Variants in EYS observed in about 807,000 individuals in gnomAD.
The protein encoded by EYS is protein eyes shut homolog.
A neutral mutation model predicts 282.1 loss-of-function variants in EYS; 250 were observed. The observed-to-expected ratio is 0.89, with a 90% CI of 0.80 to 0.98. The LOEUF (loss-of-function observed/expected upper bound fraction) is 0.98. EYS is among the 50% of genes least tolerant of loss of function. The pLI, the probability that EYS is intolerant of heterozygous loss-of-function variation, is 0.00. For synonymous variants in EYS, 1,355 were observed against 1,282.9 expected (o/e 1.06, Z -1.20); for missense variants, 4,016 against 3,709.0 (o/e 1.08, Z -2.15).
intron 26 of EYS, among the ~76,000 whole-genome samples, chr6:64,471,473 G>C (rs551493904): frequency 6.6e-6 from 1 of 151,814 alleles, no homozygotes; most frequent in Non-Finnish European, 1.5e-5. Flanking sequence ...AATTAATCAA[G>C]AAAATAATCC....
intron 26 of EYS, among the ~76,000 whole-genome samples, chr6:64,549,181 G>A (rs1438876499): frequency 6.6e-6 from 1 of 152,124 alleles, no homozygotes; most frequent in Non-Finnish European, 1.5e-5. Context: ...TTCCCTCAAA[G>A]CAGATTCTCA....
chr6:65,458,630 A>G (rs80246595), intron 5 of EYS, among the ~76,000 whole-genome samples: 2,734 of 152,250 alleles, frequency 0.018, 41 homozygotes, highest in Non-Finnish European at 0.03. Context: ...GCTCAGAAAT[A>G]GTTTCTGTTG....
chr6:65,221,472 G>T (rs1259848115), intron 12 of EYS, among the ~76,000 whole-genome samples: 2 of 152,216 alleles, frequency 1.3e-5, no homozygotes, highest in Non-Finnish European at 2.9e-5. Context: ...GCAAGCCTTA[G>T]AGGCTTACAC....
At chr6:64,191,238 T>C (rs1220565941) in intron 31 of EYS, among the ~76,000 whole-genome samples, 1 of 152,094 alleles carries the variant, frequency 6.6e-6, no homozygotes, top group Non-Finnish European at 1.5e-5. Context: ...TGGTGCCTTG[T>C]TTTAAGAAAT....
intron 19 of EYS, among the ~76,000 whole-genome samples, chr6:64,854,146 T>C (rs1452377750): frequency 1.3e-5 from 2 of 152,064 alleles, no homozygotes; most frequent in Non-Finnish European, 2.9e-5. Flanking sequence ...TTTTACACTG[T>C]TGCTGGGACT....
At chr6:65,188,775 A>AAAAAG (rs1478044524) in intron 12 of EYS, among the ~76,000 whole-genome samples, 1 of 150,774 alleles carries the variant, frequency 6.6e-6, no homozygotes, top group Admixed American at 6.7e-5. Context: ...AAAAAAAAAA[A>AAAAAG]AAAAAAAAGA....
chr6:64,971,454 C>T (rs1026246461), intron 14 of EYS, among the ~76,000 whole-genome samples: 2 of 152,004 alleles, frequency 1.3e-5, no homozygotes, highest in African/African-American at 4.8e-5. Context: ...CTGCTACACA[C>T]TAAGTTTGAA....
intron 33 of EYS, among the ~76,000 whole-genome samples, chr6:64,023,749 C>T (rs1240737291): frequency 2.6e-5 from 4 of 152,234 alleles, no homozygotes; most frequent in African/African-American, 7.2e-5. Context: ...CCAGAGCCGG[C>T]TCCCTCAGCT....
chr6:63,782,928 C>CA (rs1205743070), intron 39 of EYS, among the ~76,000 whole-genome samples: 1 of 145,292 alleles, frequency 6.9e-6, no homozygotes, highest in Non-Finnish European at 1.5e-5. Flanking sequence ...TAAGTAATAG[C>CA]TTTTTTTTTT....
intron 2 of EYS, among the ~76,000 whole-genome samples, chr6:65,586,685 A>C (rs1765059808): frequency 6.6e-6 from 1 of 152,096 alleles, no homozygotes; most frequent in South Asian, 2.1e-4. Context: ...AGGAAATATA[A>C]TTTTGATAGG....
chr6:65,193,219 G>A (rs1195471495), intron 12 of EYS, among the ~76,000 whole-genome samples: 1 of 151,844 alleles, frequency 6.6e-6, no homozygotes, highest in Non-Finnish European at 1.5e-5. Context: ...TTTTGCAGAT[G>A]AGAAAGCTAA....
chr6:64,640,184 G>A (rs202035948), intron 22 of EYS, among the ~76,000 whole-genome samples: 15,905 of 145,516 alleles, frequency 0.11, 1,047 homozygotes, highest in East Asian at 0.16. Context: ...ATCTAGAACT[G>A]GAAATACCAT....
Position 64,637,803 on chromosome 6 carries a change from T to C in EYS, c.3444-11558A>G, listed in dbSNP as rs916934844. On this transcript the variant is annotated intron_variant, in intron 22 of 42. Coordinates refer to ENST00000503581, the MANE Select transcript of EYS (RefSeq NM_001142800.2). ...AAGAATAGCTGGTGGATGCTGGTCT[T>C]AATACCTAGGTCATGGGTTGATCTG... Among the ~76,000 whole-genome samples the C allele has an allele frequency of 4.4e-5, 4 of 90,262 alleles. 1 individual carries two copies. Among genetic ancestry groups the C allele is most frequent in the African/African-American group, 1.3e-4 (3 of 23,700 alleles). The allele number at this position is 90,262 out of a possible 152,430, so 59.2% of individuals were successfully genotyped here.
At chr6:64,698,047 A>G (rs1770647242) in intron 22 of EYS, among the ~76,000 whole-genome samples, 1 of 152,184 alleles carries the variant, frequency 6.6e-6, no homozygotes, top group Non-Finnish European at 1.5e-5. Context: ...AACTCTTGAA[A>G]CTATAAAAAT....
At chr6:64,640,589 G>C (rs1026932483) in intron 22 of EYS, among the ~76,000 whole-genome samples, 2 of 151,456 alleles carry the variant, frequency 1.3e-5, no homozygotes, top group African/African-American at 4.9e-5. Flanking sequence ...GGAGTGGGGA[G>C]GGATAGCATT....
chr6:64,143,054 G>T (rs1774391256), intron 31 of EYS, among the ~76,000 whole-genome samples: 1 of 152,172 alleles, frequency 6.6e-6, no homozygotes, highest in African/African-American at 2.4e-5. Context: ...ATCACTAAAT[G>T]AAAGAAGCCA....
intron 42 of EYS, among the ~76,000 whole-genome samples, chr6:63,725,443 T>A (rs774775525): frequency 6.6e-6 from 1 of 152,120 alleles, no homozygotes; most frequent in Non-Finnish European, 1.5e-5. Context: ...TAACATTAAT[T>A]TTGAGTTTTA....
In EYS at chr6:64,608,299, T is replaced by C. The variant is rs543958111; in HGVS notation, c.3684+9119A>G. 2.6e-4 allele frequency among the ~76,000 whole-genome samples: 39 copies of C among 152,166 alleles called. 1 individual carries two copies. The highest frequency in any genetic ancestry group is 9.4e-4 in the African/African-American group (39 of 41,544). ...ACAGTTCCTGTTTTATGGAACTTAT[T>C]GAAGAGGAGAAAAGCAGACCAGAGA... On this transcript the variant is annotated intron_variant, in intron 24 of 42. Transcript: ENST00000503581.
intron 5 of EYS, among the ~76,000 whole-genome samples, chr6:65,446,501 C>A (rs904281441): frequency 6.6e-6 from 1 of 151,706 alleles, no homozygotes; most frequent in African/African-American, 2.4e-5. Context: ...TTGCTGTGTA[C>A]ACAGAATTAA....
Sources: allele counts gnomAD v4.1 joint callset (sites outside exome capture counted in the v4.1 genomes callset), GRCh38; gene constraint gnomAD v4.1.1; transcripts MANE v1.5; gene names NCBI Gene and HGNC (gene_info 2026-07-23, HGNC 2026-07-21).